ACOX1: variants seen among roughly 807,000 people sequenced by gnomAD.
ACOX1 encodes the protein acyl-CoA oxidase 1, also known as peroxisomal acyl-coenzyme A oxidase 1.
Under a neutral mutation model 75.5 loss-of-function variants are expected in ACOX1, and 41 were observed. The ratio of observed to expected loss-of-function variants is 0.54; its 90% CI spans 0.42 to 0.70. The LOEUF is 0.70. ACOX1 is among the 30% of genes least tolerant of loss of function. The pLI is 0.00. For synonymous variants in ACOX1, 303 were observed against 298.8 expected, an observed-to-expected ratio of 1.01 and a Z score of -0.15; for missense variants, 630 against 837.5, an observed-to-expected ratio of 0.75 and a Z score of 3.06.
intron 3 of ACOX1, 112 bp from the exon 4 acceptor site, chr17:75,957,678 T>A: frequency 1.0e-5 from 8 of 780,098 alleles, no homozygotes; most frequent in South Asian, 4.6e-5. Flanking sequence ...AAAAACAAAA[T>A]CTAACAAAAA....
At chr17:75,952,557 G>A (rs1017676733) in intron 7 of ACOX1, among the ~76,000 whole-genome samples, 1 of 152,068 alleles carries the variant, frequency 6.6e-6, no homozygotes, top group Non-Finnish European at 1.5e-5. Flanking sequence ...GCCTCCCAAA[G>A]TGCTGAGATT....
At chr17:75,970,400 T>G (rs184023624) in intron 2 of ACOX1, among the ~76,000 whole-genome samples, 7 of 152,218 alleles carry the variant, frequency 4.6e-5, no homozygotes, top group Non-Finnish European at 8.8e-5. Flanking sequence ...ATCCCAGAAC[T>G]CCAGGGAGGT....
rs972997561 is a variant in ACOX1 at position 75,946,216 on chromosome 17, T to C, written c.*532A>G. The C allele has an allele frequency of 5.1e-5, 9 of 176,584 alleles. 1 individual carries two copies. Among genetic ancestry groups the C allele is most frequent in the South Asian group, 4.7e-4 (4 of 8,492 alleles). The allele number at this position is 176,584 out of a possible 1,614,324, so 10.9% of individuals were successfully genotyped here. A position where few individuals can be genotyped will look rare whatever the true frequency, so the allele number is the denominator to read the frequency against. On this transcript the variant is annotated 3_prime_UTR_variant, in exon 14 of 14. Transcript: ENST00000293217. ...CAAAGGAGAGCAAGCAGGCAGAGAC[T>C]GTGCCAAGCAGAAACTCATTCGCAT...
chr17:75,975,617 T>C (rs141213464), intron 2 of ACOX1, among the ~76,000 whole-genome samples: 2 of 152,310 alleles, frequency 1.3e-5, no homozygotes, highest in East Asian at 1.9e-4. Flanking sequence ...GTCCTAATCA[T>C]GTGTTTAGAA....
At position 75,949,858 on chromosome 17, in the gene ACOX1, C is replaced by T. The variant is rs936472223; in HGVS notation, c.1338G>A (p.Lys446=). 2 of 1,614,118 alleles carry T rather than the reference C, an allele frequency of 1.2e-6. No individual in the cohort carries two copies. The highest frequency in any genetic ancestry group is 2.7e-5 in the African/African-American group (2 of 74,932). ...MKSYDQVHSG[K]LVCGMVSYLN... ...AATAGGACACCATGCCACACACCAACTTTCCTGAGTGCACCTGATCATAAC... is the reference window on the plus strand; with the variant it reads ...AATAGGACACCATGCCACACACCAATTTTCCTGAGTGCACCTGATCATAAC... Residue 446 remains lysine, a synonymous_variant, in exon 10 of 14, where the codon AAG becomes AAA. Coordinates refer to ENST00000293217, the MANE Select transcript of ACOX1 (RefSeq NM_004035.7).
intron 2 of ACOX1, among the ~76,000 whole-genome samples, chr17:75,977,422 C>T (rs1381070401): frequency 6.6e-6 from 1 of 151,574 alleles, no homozygotes; most frequent in Non-Finnish European, 1.5e-5. Context: ...AAAAATTAGC[C>T]GGGTGTGGTG....
At chr17:75,957,753 G>A (rs1448751616) in intron 3 of ACOX1, among the ~76,000 whole-genome samples, 187 bp from the exon 4 acceptor site, 3 of 152,044 alleles carry the variant, frequency 2.0e-5, no homozygotes, top group East Asian at 3.8e-4. Flanking sequence ...CTATCTGATG[G>A]TTTCCTATTA....
rs3785436 is a variant in ACOX1, at chr17:75,946,607, T to C, written c.*141A>G. 1 of 733,640 alleles carries C rather than the reference T, an allele frequency of 1.4e-6. No homozygotes were observed. The highest frequency in any genetic ancestry group is 2.8e-5 in the East Asian group (1 of 35,378). 45.4% of individuals were successfully genotyped at this position (733,640 alleles called of 1,614,324 possible). A position where few individuals can be genotyped will look rare whatever the true frequency, so the allele number is the denominator to read the frequency against. On this transcript the variant is annotated 3_prime_UTR_variant, in exon 14 of 14. Transcript: ENST00000293217. ...TTTTTTTCATTTAATCTCTGAAATC[T>C]GTTCATTTTTTCCCTCCATTTATAA... is the stretch of plus-strand genomic sequence containing the variant.
intron 6 of ACOX1, 103 bp downstream of exon 6, chr17:75,955,463 G>T: frequency 1.0e-6 from 1 of 985,324 alleles, no homozygotes; most frequent in Non-Finnish European, 1.6e-6. Context: ...GTGCCCTGCT[G>T]TTATTACCTT....
In ACOX1 at chr17:75,949,794, C is replaced by G; in HGVS notation, c.1402G>C (p.Val468Leu). 6.2e-7 allele frequency: 1 copy of G among 1,614,162 alleles called. No homozygotes were observed. Among genetic ancestry groups the G allele is most frequent in the South Asian group, 1.1e-5 (1 of 91,076 alleles). The change falls in exon 10 of 14, where the codon GTA (valine) becomes CTA (leucine). Residue 468 changes from valine to leucine, a missense_variant. Val to Leu is a conservative substitution (Grantham distance 32). Coordinates refer to ENST00000293217, the MANE Select transcript of ACOX1 (RefSeq NM_004035.7). Reference sequence around the variant, plus strand: ...TCCACCATGGTTGGCCAGACTGCTACCTGCTGTGGCTGGATGCGCTGACTG... The same window carrying G: ...TCCACCATGGTTGGCCAGACTGCTAGCTGCTGTGGCTGGATGCGCTGACTG... ...LPSQRIQPQQ[V>L]AVWPTMVDIN...
At chr17:75,957,014 C>CAA (rs2065839257) in intron 4 of ACOX1, among the ~76,000 whole-genome samples, 1 of 129,594 alleles carries the variant, frequency 7.7e-6, no homozygotes, top group African/African-American at 2.8e-5. Context: ...TATATACACA[C>CAA]ACACACCTCT....
At chr17:75,954,034 T>C (rs1003837028) in intron 6 of ACOX1, among the ~76,000 whole-genome samples, 6 of 151,268 alleles carry the variant, frequency 4.0e-5, no homozygotes, top group Non-Finnish European at 7.4e-5. Flanking sequence ...CTGACCAACA[T>C]GGTGAAACCC....
At chr17:75,965,337 C>CAAAAAAAAAAAAAAAAAAAAAAAAA (rs11293371) in intron 2 of ACOX1, among the ~76,000 whole-genome samples, 9 of 81,712 alleles carry the variant, frequency 1.1e-4, no homozygotes, top group Non-Finnish European at 1.6e-4. Context: ...GACTCTGTCT[C>CAAAAAAAAAAAAAAAAAAAAAAAAA]AAAAAAAAAA....
chr17:75,956,953 CTCTCTCTCTCTCTCTCTCTATATATATA>C lies in ACOX1; in HGVS notation c.538+478_538+505del, dbSNP rs1276532920. Among the ~76,000 whole-genome samples, 132 of 30,950 alleles carry C rather than the reference CTCTCTCTCTCTCTCTCTCTATATATATA, an allele frequency of 4.3e-3. 1 individual carries two copies. Among genetic ancestry groups the C allele is most frequent in the African/African-American group, 5.6e-3 (26 of 4,660 alleles). 20.3% of individuals were successfully genotyped at this position (30,950 alleles called of 152,430 possible). ...TCTCTCTCTCTCTCTCTCTCTCTCT[CTCTCTCTCTCTCTCTCTCTATATATATA>C]TATATATATATATATATATATATAT... On this transcript the variant is annotated intron_variant, in intron 4 of 13. Coordinates refer to ENST00000293217, the MANE Select transcript of ACOX1 (RefSeq NM_004035.7).
At position 75,978,137 on chromosome 17, in the gene ACOX1, C is replaced by G. The variant is rs1014380590; in HGVS notation, c.269+397G>C. On this transcript the variant is annotated intron_variant, in intron 2 of 13. Transcript: ENST00000293217. This position sits in a 1 kb window ranked among gnomAD's most constrained non-coding sequence, Gnocchi z 4.2. ...TGAGATGGAGTCTCGCACTCTTGCC[C>G]AGGCTGGAGTGCAGTGGCGCGATCT... is the stretch of plus-strand genomic sequence containing the variant. Among the ~76,000 whole-genome samples, 2 of 151,452 alleles carry G rather than the reference C, an allele frequency of 1.3e-5. No individual in the cohort carries two copies. Among genetic ancestry groups the G allele is most frequent in the Non-Finnish European group, 2.9e-5 (2 of 67,872 alleles).
intron 3 of ACOX1, among the ~76,000 whole-genome samples, chr17:75,959,680 G>T (rs796939243): frequency 3.3e-5 from 5 of 152,238 alleles, no homozygotes; most frequent in African/African-American, 1.2e-4. Flanking sequence ...GCTTATCTTG[G>T]TTTTTTCACT....
At chr17:75,968,870 C>T (rs1188995378) in intron 2 of ACOX1, among the ~76,000 whole-genome samples, 6 of 144,684 alleles carry the variant, frequency 4.1e-5, no homozygotes, top group Admixed American at 2.1e-4. Context: ...TGCGGTGAGC[C>T]GAGATCACGC....
chr17:75,967,623 T>C (rs1018118700), intron 2 of ACOX1, among the ~76,000 whole-genome samples: 2 of 106,180 alleles, frequency 1.9e-5, no homozygotes, highest in South Asian at 2.5e-4. Context: ...TACATACATA[T>C]ATATATACAT....
chr17:75,968,311 C>T (rs1326858802), intron 2 of ACOX1, among the ~76,000 whole-genome samples: 1 of 147,234 alleles, frequency 6.8e-6, no homozygotes, highest in Non-Finnish European at 1.5e-5. Context: ...TGGCGGGCGC[C>T]TGTAGTCCCA....
Sources: gnomAD v4.1 joint callset for allele counts (sites outside exome capture counted in the v4.1 genomes callset) on GRCh38, gnomAD v4.1.1 for gene constraint, Gnocchi (gnomAD v3.1) non-coding constraint, MANE v1.5 for transcripts, NCBI Gene and HGNC (gene_info 2026-07-23, HGNC 2026-07-21) for gene names.